The following NTNG2 variants were observed in gnomAD, a reference collection of about 807,000 sequenced individuals.
NTNG2 encodes the protein netrin-G2.
Under a neutral mutation model 47.6 loss-of-function variants are expected in NTNG2, and 15 were observed. The observed-to-expected ratio is 0.32, with a 90% CI of 0.21 to 0.49. The LOEUF is 0.49. NTNG2 is among the 20% of genes least tolerant of loss of function. The pLI, the probability that NTNG2 is intolerant of heterozygous loss-of-function variation, is 0.99. For missense variants in NTNG2, 578 were observed against 764.6 expected, an observed-to-expected ratio of 0.76 and a Z score of 2.88; for synonymous variants, 307 against 324.6, an observed-to-expected ratio of 0.95 and a Z score of 0.58.
intron 3 of NTNG2, among the ~76,000 whole-genome samples, chr9:132,210,989 G>A (rs1839549834): frequency 6.6e-6 from 1 of 152,148 alleles, no homozygotes; most frequent in African/African-American, 2.4e-5. Context: ...ATGTGAATCC[G>A]CTTCCAGAAG....
intron 2 of NTNG2, among the ~76,000 whole-genome samples, chr9:132,196,031 G>A (rs1466842701): frequency 2.0e-5 from 3 of 151,798 alleles, no homozygotes; most frequent in East Asian, 2.0e-4. Context: ...TCGGCCTCCC[G>A]GAGTGTTGGA....
At chr9:132,177,858 A>G (rs550233733) in intron 2 of NTNG2, among the ~76,000 whole-genome samples, 3 of 151,956 alleles carry the variant, frequency 2.0e-5, no homozygotes, top group East Asian at 3.9e-4. Flanking sequence ...GGGTTTCACT[A>G]TTTGGCCAGG....
chr9:132,235,358 G>A (rs12344203), intron 5 of NTNG2, among the ~76,000 whole-genome samples: 3,456 of 152,342 alleles, frequency 0.023, 151 homozygotes, highest in African/African-American at 0.079. Context: ...ACGGCACAGG[G>A]AGTGTAGAAG....
In NTNG2 at chr9:132,231,628, C is replaced by T. The variant is rs1227444195; in HGVS notation, c.1054+1033C>T. The T allele has an allele frequency of 3.6e-6, 1 of 281,332 alleles. No homozygotes were observed. Among genetic ancestry groups the T allele is most frequent in the East Asian group, 1.4e-4 (1 of 7,078 alleles). 17.4% of individuals were successfully genotyped at this position (281,332 alleles called of 1,614,324 possible). The stretch of plus-strand genomic sequence containing the variant: ...AACCCCCCAACCCTCTCTTGCTTTT[C>T]CCATCTCTCACCAGGCATCAGCAGG... On this transcript the variant is annotated intron_variant, in intron 5 of 7. Coordinates refer to ENST00000393229, the MANE Select transcript of NTNG2 (RefSeq NM_032536.4). The surrounding 1 kb of genome is among the most constrained non-coding windows in gnomAD (Gnocchi z 4.1).
At chr9:132,169,009 G>A (rs1307290256) in intron 2 of NTNG2, among the ~76,000 whole-genome samples, 2 of 152,082 alleles carry the variant, frequency 1.3e-5, no homozygotes, top group Admixed American at 1.3e-4. Flanking sequence ...TGCAGTGGGC[G>A]GCTGTTCTGG....
Position 132,197,338 on chromosome 9 carries a change from G to T in NTNG2, c.214-628G>T, listed in dbSNP as rs970259797. On this transcript the variant is annotated intron_variant, in intron 2 of 7. Transcript: ENST00000393229. This position sits in a 1 kb window ranked among gnomAD's most constrained non-coding sequence, Gnocchi z 4.3. ...TGGGAGGTGGAGGTTGCTGTGAGCC[G>T]AGATCGCCCCACTGCACTCCATCCT... is the stretch of plus-strand genomic sequence containing the variant. Among the ~76,000 whole-genome samples the T allele has an allele frequency of 6.6e-6, 1 of 152,094 alleles. No homozygotes were observed. The highest frequency in any genetic ancestry group is 1.5e-5 in the Non-Finnish European group (1 of 68,020).
intron 2 of NTNG2, among the ~76,000 whole-genome samples, chr9:132,168,161 G>C (rs1405848579): frequency 6.6e-6 from 1 of 152,224 alleles, no homozygotes; most frequent in Non-Finnish European, 1.5e-5. Flanking sequence ...ACTCCAGGAG[G>C]TGGCGAAGCT....
At chr9:132,210,457 C>T (rs545690522) in intron 3 of NTNG2, among the ~76,000 whole-genome samples, 103 of 152,344 alleles carry the variant, frequency 6.8e-4, no homozygotes, top group African/African-American at 2.4e-3. Flanking sequence ...TCCTCTGTCC[C>T]TTCATCAGTC....
In NTNG2 at chr9:132,244,242, A is replaced by C. The variant is rs571168512; in HGVS notation, c.*2131A>C. 6.6e-6 allele frequency: 1 copy of C among 152,314 alleles called. No homozygotes were observed. The highest frequency in any genetic ancestry group is 1.9e-4 in the East Asian group (1 of 5,190). 9.4% of individuals were successfully genotyped at this position (152,314 alleles called of 1,614,324 possible). On this transcript the variant is annotated 3_prime_UTR_variant, in exon 8 of 8. Transcript: ENST00000393229. ...GGGAAGGAGCCTTCTTGAGACACTG[A>C]GCATAACAGTGTCACCCTCAGGATA...
chr9:132,194,779 C>T (rs1017481203), intron 2 of NTNG2, among the ~76,000 whole-genome samples: 1 of 152,190 alleles, frequency 6.6e-6, no homozygotes, highest in Non-Finnish European at 1.5e-5. Context: ...CTCAATGAAC[C>T]GAGGGTCAGC....
In NTNG2 at chr9:132,162,064, A is replaced by ACGG. The variant is rs568463296; in HGVS notation, c.-642_-640dup. On this transcript the variant is annotated 5_prime_UTR_variant, in exon 1 of 8. Coordinates refer to ENST00000393229, the MANE Select transcript of NTNG2 (RefSeq NM_032536.4). The surrounding 1 kb of genome is among the most constrained non-coding windows in gnomAD (Gnocchi z 4.6). The stretch of plus-strand genomic sequence containing the variant: ...CGGAGGGCTCCCTGGCCCCGATCTG[A>ACGG]CGGCGGCGGCGGCGGCGGCCACAGC... 1.8e-4 allele frequency: 27 copies of ACGG among 149,788 alleles called. No homozygotes were observed. The highest frequency in any genetic ancestry group is 2.1e-4 in the Non-Finnish European group (14 of 67,512). The allele number at this position is 149,788 out of a possible 1,614,324, so 9.3% of individuals were successfully genotyped here.
intron 3 of NTNG2, among the ~76,000 whole-genome samples, chr9:132,213,731 G>T (rs567174911): frequency 8.5e-5 from 13 of 152,320 alleles, no homozygotes; most frequent in South Asian, 6.2e-4. Context: ...TTCACCCAAA[G>T]ATAAATGCGC....
chr9:132,187,091 T>C (rs1304356022), intron 2 of NTNG2, among the ~76,000 whole-genome samples: 1 of 152,172 alleles, frequency 6.6e-6, no homozygotes, highest in Non-Finnish European at 1.5e-5. Flanking sequence ...CCGAGGCAGG[T>C]TCGAGAGGCA....
At chr9:132,169,298 C>G (rs574609867) in intron 2 of NTNG2, among the ~76,000 whole-genome samples, 1 of 152,178 alleles carries the variant, frequency 6.6e-6, no homozygotes, top group East Asian at 1.9e-4. Context: ...CCGATGAGGA[C>G]GGGGAGGCCG....
rs1449588684 is a variant in NTNG2, at chr9:132,226,344, C to T, written c.858-505C>T. 6.6e-6 allele frequency among the ~76,000 whole-genome samples: 1 copy of T among 152,148 alleles called. No homozygotes were observed. The highest frequency in any genetic ancestry group is 1.5e-5 in the Non-Finnish European group (1 of 68,030). On this transcript the variant is annotated intron_variant, in intron 3 of 7. Coordinates refer to ENST00000393229, the MANE Select transcript of NTNG2 (RefSeq NM_032536.4). The surrounding 1 kb of genome is among the most constrained non-coding windows in gnomAD (Gnocchi z 4.8). ...GGGAGTTGGGGGTTCTATCTGTTGC[C>T]CTCAAGGGCGTGGCTGTGGGCCACA...
chr9:132,244,162 T>C lies in NTNG2; in HGVS notation c.*2051T>C, dbSNP rs528174329. 1.3e-5 allele frequency: 2 copies of C among 152,412 alleles called. No homozygotes were observed. The highest frequency in any genetic ancestry group is 4.8e-5 in the African/African-American group (2 of 41,566). 9.4% of individuals were successfully genotyped at this position (152,412 alleles called of 1,614,324 possible). A position where few individuals can be genotyped will look rare whatever the true frequency, so the allele number is the denominator to read the frequency against. ...CCACAAAGCCTCAGTTGTCCAAGTT[T>C]GTGGCTCTGGTTTTTCTCTCTCATC... On this transcript the variant is annotated 3_prime_UTR_variant, in exon 8 of 8. Coordinates refer to ENST00000393229, the MANE Select transcript of NTNG2 (RefSeq NM_032536.4).
Position 132,231,201 on chromosome 9 carries a change from G to A in NTNG2, c.1054+606G>A, listed in dbSNP as rs1170059525. Reference sequence around the variant, plus strand: ...GGGGTCCTGAGAGTTCCCCAGGAGGGCGAGGGCGACATGGCGCCCACAGGT... The same window carrying A: ...GGGGTCCTGAGAGTTCCCCAGGAGGACGAGGGCGACATGGCGCCCACAGGT... On this transcript the variant is annotated intron_variant, in intron 5 of 7. Coordinates refer to ENST00000393229, the MANE Select transcript of NTNG2 (RefSeq NM_032536.4). The surrounding 1 kb of genome is among the most constrained non-coding windows in gnomAD (Gnocchi z 4.1). 6 of 415,746 alleles carry A rather than the reference G, an allele frequency of 1.4e-5. No individual in the cohort carries two copies. The highest frequency in any genetic ancestry group is 2.9e-5 in the Non-Finnish European group (6 of 206,224). 25.8% of individuals were successfully genotyped at this position (415,746 alleles called of 1,614,324 possible). A position where few individuals can be genotyped will look rare whatever the true frequency, so the allele number is the denominator to read the frequency against.
chr9:132,188,157 C>T (rs1445085019), intron 2 of NTNG2, among the ~76,000 whole-genome samples: 3 of 152,246 alleles, frequency 2.0e-5, no homozygotes, highest in African/African-American at 7.2e-5. Flanking sequence ...ACGATTGCTT[C>T]CCCCGTGCTC....
chr9:132,231,063 G>T lies in NTNG2; in HGVS notation c.1054+468G>T, dbSNP rs569140530. Among the ~76,000 whole-genome samples the T allele has an allele frequency of 6.6e-6, 1 of 152,226 alleles. No homozygotes were observed. Among genetic ancestry groups the T allele is most frequent in the South Asian group, 2.1e-4 (1 of 4,826 alleles). The stretch of plus-strand genomic sequence containing the variant: ...AATCCACCCCCTAGCCTAACCATGG[G>T]GGCAGCCTCCCTCTGGGCAGCCTCT... On this transcript the variant is annotated intron_variant, in intron 5 of 7. Transcript: ENST00000393229. This position sits in a 1 kb window ranked among gnomAD's most constrained non-coding sequence, Gnocchi z 4.1.
Sources: gnomAD v4.1 joint callset for allele counts (sites outside exome capture counted in the v4.1 genomes callset) on GRCh38, gnomAD v4.1.1 for gene constraint, Gnocchi (gnomAD v3.1) non-coding constraint, MANE v1.5 for transcripts, NCBI Gene and HGNC (gene_info 2026-07-23, HGNC 2026-07-21) for gene names.